KAZN: variants seen among roughly 807,000 people sequenced by gnomAD.
KAZN encodes kazrin, periplakin interacting protein.
KAZN carries 40 observed loss-of-function variants against 87.4 expected under a neutral mutation model. That is an observed-to-expected ratio of 0.46 (90% CI 0.36 to 0.60). The LOEUF (loss-of-function observed/expected upper bound fraction) is 0.60. Ranked by LOEUF, KAZN falls within the 20% of genes least tolerant of loss-of-function variation. KAZN has a pLI of 0.00. For missense variants in KAZN, 898 were observed against 1,073.9 expected, an observed-to-expected ratio of 0.84 and a Z score of 2.29; for synonymous variants, 466 against 458.3, an observed-to-expected ratio of 1.02 and a Z score of -0.22.
intron 1 of KAZN, among the ~76,000 whole-genome samples, chr1:14,162,823 C>G (rs947687653): frequency 6.6e-6 from 1 of 152,180 alleles, no homozygotes; most frequent in Non-Finnish European, 1.5e-5. Flanking sequence ...GGATTACAGG[C>G]GTGAGCCACC....
chr1:15,048,444 G>C (rs970802804), intron 4 of KAZN, among the ~76,000 whole-genome samples: 1 of 152,168 alleles, frequency 6.6e-6, no homozygotes, highest in African/African-American at 2.4e-5. Context: ...GTGTGTATGT[G>C]TAAAATATTG....
chr1:14,800,082 C>T (rs912025095), intron 1 of KAZN, among the ~76,000 whole-genome samples: 5 of 152,072 alleles, frequency 3.3e-5, no homozygotes, highest in Non-Finnish European at 7.3e-5. Flanking sequence ...ATGGCAGGTC[C>T]ATGATGAGCC....
chr1:14,836,201 C>T (rs1466034035), intron 1 of KAZN, among the ~76,000 whole-genome samples: 2 of 152,200 alleles, frequency 1.3e-5, no homozygotes, highest in Non-Finnish European at 2.9e-5. Context: ...CTAAAGACTC[C>T]AGGTCCCCTG....
At chr1:15,046,468 A>G (rs375441260) in intron 4 of KAZN, among the ~76,000 whole-genome samples, 1 of 152,248 alleles carries the variant, frequency 6.6e-6, no homozygotes, top group Admixed American at 6.5e-5. Flanking sequence ...AGGTAGAAGA[A>G]AATCCGCCGA....
At chr1:14,778,728 G>C (rs1053059530) in intron 1 of KAZN, among the ~76,000 whole-genome samples, 1 of 151,952 alleles carries the variant, frequency 6.6e-6, no homozygotes, top group Non-Finnish European at 1.5e-5. Flanking sequence ...TATACCACCC[G>C]TGGACTCTGC....
chr1:14,704,257 C>A (rs1228520585), intron 1 of KAZN, among the ~76,000 whole-genome samples: 1 of 152,174 alleles, frequency 6.6e-6, no homozygotes, highest in African/African-American at 2.4e-5. Flanking sequence ...TGTTACCCAA[C>A]CATAAGGATC....
intron 1 of KAZN, among the ~76,000 whole-genome samples, chr1:14,716,193 G>A (rs1401384121): frequency 6.6e-6 from 1 of 152,200 alleles, no homozygotes. Flanking sequence ...GTCAGTGTGT[G>A]TGCATTGGAA....
chr1:14,143,156 C>A (rs1194605381), intron 1 of KAZN, among the ~76,000 whole-genome samples: 3 of 152,164 alleles, frequency 2.0e-5, no homozygotes, highest in Non-Finnish European at 2.9e-5. Context: ...ACGACGGTTC[C>A]TAATTGTGAT....
At chr1:14,764,042 C>G (rs1226232369) in intron 1 of KAZN, among the ~76,000 whole-genome samples, 4 of 152,198 alleles carry the variant, frequency 2.6e-5, no homozygotes, top group Admixed American at 2.0e-4. Context: ...AGCCACCACA[C>G]CCAGCTTGCT....
intron 2 of KAZN, among the ~76,000 whole-genome samples, chr1:14,316,031 C>T (rs1224727422): frequency 6.6e-6 from 1 of 152,032 alleles, no homozygotes; most frequent in Non-Finnish European, 1.5e-5. Context: ...TATTAACTTT[C>T]CCGTAGCTCC....
intron 2 of KAZN, among the ~76,000 whole-genome samples, chr1:14,507,871 G>A (rs1384405354): frequency 3.9e-5 from 6 of 152,024 alleles, no homozygotes; most frequent in Non-Finnish European, 5.9e-5. Context: ...AGAGGCTGAG[G>A]TAGGAGAATG....
intron 1 of KAZN, among the ~76,000 whole-genome samples, chr1:13,911,466 C>T (rs1639649411): frequency 6.6e-6 from 1 of 152,138 alleles, no homozygotes; most frequent in South Asian, 2.1e-4. Flanking sequence ...CTTACCAGGC[C>T]CCACCTTCAG....
chr1:14,565,215 T>C (rs1362804799), intron 2 of KAZN, among the ~76,000 whole-genome samples: 2 of 152,174 alleles, frequency 1.3e-5, no homozygotes, highest in Admixed American at 1.3e-4. Context: ...AAGCATACTT[T>C]GATAATATTG....
At chr1:14,638,228 TG>T (rs577662130) in intron 1 of KAZN, among the ~76,000 whole-genome samples, 115 of 152,134 alleles carry the variant, frequency 7.6e-4, no homozygotes, top group African/African-American at 2.6e-3. Flanking sequence ...GACATGAATT[TG>T]GGGGGGACAC....
chr1:14,190,113 A>C (rs901088017), intron 2 of KAZN, among the ~76,000 whole-genome samples: 5 of 152,136 alleles, frequency 3.3e-5, no homozygotes, highest in Non-Finnish European at 5.9e-5. Flanking sequence ...GGCTTGTGAC[A>C]GAGCTAGAAA....
chr1:14,083,447 G>A (rs1024171771), intron 1 of KAZN, among the ~76,000 whole-genome samples: 3 of 152,182 alleles, frequency 2.0e-5, no homozygotes, highest in Non-Finnish European at 2.9e-5. Context: ...AACCTTAGTT[G>A]TCTCATGTCT....
chr1:14,232,711 C>G (rs1308185331), intron 2 of KAZN, among the ~76,000 whole-genome samples: 1 of 152,206 alleles, frequency 6.6e-6, no homozygotes, highest in African/African-American at 2.4e-5. Flanking sequence ...GCTAGATTGT[C>G]TTCATTGTCA....
At chr1:15,067,929 C>T (rs1012654924) in intron 8 of KAZN, 1 of 838,460 alleles carries the variant, frequency 1.2e-6, no homozygotes, top group Admixed American at 6.2e-5. Context: ...ACCACTCCTG[C>T]TAATGATTTA....
intron 1 of KAZN, among the ~76,000 whole-genome samples, chr1:14,146,002 C>T (rs1645340863): frequency 6.6e-6 from 1 of 152,074 alleles, no homozygotes; most frequent in Non-Finnish European, 1.5e-5. Context: ...TATTTTTTCT[C>T]AAACTGTCAT....
Sources: gnomAD v4.1 joint callset for allele counts (sites outside exome capture counted in the v4.1 genomes callset) on GRCh38, gnomAD v4.1.1 for gene constraint, MANE v1.5 for transcripts, NCBI Gene and HGNC (gene_info 2026-07-23, HGNC 2026-07-21) for gene names.